The following MGAT4C variants were observed in gnomAD, a reference collection of about 807,000 sequenced individuals.
MGAT4C encodes alpha-1,3-mannosyl-glycoprotein 4-beta-N-acetylglucosaminyltransferase C.
Under a neutral mutation model 40.1 loss-of-function variants are expected in MGAT4C, and 19 were observed. That is an observed-to-expected ratio of 0.47 (90% CI 0.33 to 0.70). The LOEUF is 0.70. Ranked by LOEUF, MGAT4C falls within the 30% of genes least tolerant of loss-of-function variation. The probability of loss-of-function intolerance (pLI) is 0.02; values close to 1 mark genes in which losing one functional copy is unlikely to be tolerated. For missense variants in MGAT4C, 491 were observed against 563.2 expected (o/e 0.87, Z 1.30); for synonymous variants, 181 against 187.1 (o/e 0.97, Z 0.27).
At chr12:86,682,496 T>G (rs1201720940) in intron 2 of MGAT4C, among the ~76,000 whole-genome samples, 2 of 152,072 alleles carry the variant, frequency 1.3e-5, no homozygotes, top group African/African-American at 4.8e-5. Context: ...ATCCTTTGCA[T>G]TGGTAGGTGG....
intron 3 of MGAT4C, among the ~76,000 whole-genome samples, chr12:86,352,333 G>A (rs1161575077): frequency 6.6e-6 from 1 of 151,878 alleles, no homozygotes; most frequent in Non-Finnish European, 1.5e-5. Flanking sequence ...AAAAAAATTA[G>A]TTCAATTATT....
chr12:86,450,012 T>C (rs1444520342), intron 2 of MGAT4C, among the ~76,000 whole-genome samples: 3 of 152,174 alleles, frequency 2.0e-5, no homozygotes, highest in Non-Finnish European at 1.5e-5. Flanking sequence ...AATAGTCAAT[T>C]ATATGTCATG....
chr12:86,730,300 T>G (rs1950887456), intron 1 of MGAT4C, among the ~76,000 whole-genome samples: 2 of 152,048 alleles, frequency 1.3e-5, no homozygotes, highest in South Asian at 4.1e-4. Context: ...AAAAGGGAAT[T>G]TATTAAATTA....
intron 1 of MGAT4C, among the ~76,000 whole-genome samples, chr12:86,823,045 G>A (rs1952733513): frequency 6.7e-6 from 1 of 150,302 alleles, no homozygotes; most frequent in South Asian, 2.1e-4. Flanking sequence ...CAACCACTGG[G>A]TAAGAGAAAA....
intron 3 of MGAT4C, among the ~76,000 whole-genome samples, chr12:86,411,473 G>A (rs556890407): frequency 6.6e-6 from 1 of 152,296 alleles, no homozygotes; most frequent in East Asian, 1.9e-4. Context: ...CTAGGGGTTT[G>A]TGGAACTTTG....
rs200363891 is a variant in MGAT4C at position 86,231,615 on chromosome 12, TGA to T, written c.-57+24622_-57+24623del. ...CAGAACCTATGTATTTGAATTCCTCTGAACATATAAGTGATATACAGGGTATT... is the reference window on the plus strand; with the variant it reads ...CAGAACCTATGTATTTGAATTCCTCTACATATAAGTGATATACAGGGTATT... On this transcript the variant is annotated intron_variant, in intron 1 of 4. Coordinates refer to ENST00000611864, the MANE Select transcript of MGAT4C (RefSeq NM_001351288.2). 2.0e-5 allele frequency among the ~76,000 whole-genome samples: 3 copies of T among 152,330 alleles called. No homozygotes were observed. The East Asian group carries it at 5.8e-4, about 29-fold the overall frequency.
At chr12:86,756,420 T>A (rs1408352422) in intron 1 of MGAT4C, among the ~76,000 whole-genome samples, 1 of 72,736 alleles carries the variant, frequency 1.4e-5, no homozygotes, top group Non-Finnish European at 3.0e-5. Flanking sequence ...CAACATACGA[T>A]TTTTTTTTTT....
chr12:85,959,201 A>G lies in MGAT4C; in HGVS notation c.*20088T>C, dbSNP rs947340151. On this transcript the variant is annotated 3_prime_UTR_variant, in exon 5 of 5. Coordinates refer to ENST00000611864, the MANE Select transcript of MGAT4C (RefSeq NM_001351288.2). ...AATAATAATCACATGTTTTATACCC[A>G]TTGCTTTGAAGAAGAAACCTTAAGC... 1.6e-4 allele frequency: 25 copies of G among 152,078 alleles called. No individual in the cohort carries two copies. The highest frequency in any genetic ancestry group is 5.8e-4 in the African/African-American group (24 of 41,432). The allele number at this position is 152,078 out of a possible 1,614,324, so 9.4% of individuals were successfully genotyped here.
intron 1 of MGAT4C, among the ~76,000 whole-genome samples, chr12:86,811,973 T>G (rs956076140): frequency 3.3e-5 from 5 of 152,264 alleles, no homozygotes; most frequent in Non-Finnish European, 5.9e-5. Context: ...CTCTCAGCAT[T>G]GCTTTAGCTG....
intron 1 of MGAT4C, among the ~76,000 whole-genome samples, chr12:86,138,596 T>TATATATTTCCATAG (rs1307609909): frequency 5.6e-5 from 6 of 107,992 alleles, no homozygotes; most frequent in Non-Finnish European, 1.1e-4. Flanking sequence ...TATTTCCATA[T>TATATATTTCCATAG]ATATATTTCC....
At chr12:86,300,269 G>A (rs1298377774) in intron 4 of MGAT4C, among the ~76,000 whole-genome samples, 1 of 152,072 alleles carries the variant, frequency 6.6e-6, no homozygotes, top group Non-Finnish European at 1.5e-5. Flanking sequence ...TACCTATCAT[G>A]GAATACATAC....
intron 2 of MGAT4C, among the ~76,000 whole-genome samples, chr12:86,492,953 A>T (rs1033296583): frequency 7.8e-4 from 119 of 152,166 alleles, no homozygotes; most frequent in African/African-American, 2.7e-3. Flanking sequence ...TTTACAAGAA[A>T]AAAACAAACA....
chr12:86,371,975 C>T (rs1374507388), intron 3 of MGAT4C, among the ~76,000 whole-genome samples: 1 of 151,374 alleles, frequency 6.6e-6, no homozygotes, highest in Non-Finnish European at 1.5e-5. Context: ...CAACATTTGC[C>T]TTTGGGTACT....
chr12:86,367,980 C>T (rs1955639475), intron 3 of MGAT4C, among the ~76,000 whole-genome samples: 1 of 152,116 alleles, frequency 6.6e-6, no homozygotes, highest in Non-Finnish European at 1.5e-5. Flanking sequence ...ATTTCTTTCC[C>T]CTTTCTTTAA....
At chr12:86,426,763 C>T (rs189954765) in intron 3 of MGAT4C, among the ~76,000 whole-genome samples, 12 of 152,114 alleles carry the variant, frequency 7.9e-5, no homozygotes, top group Non-Finnish European at 1.3e-4. Flanking sequence ...CTGGCTAACA[C>T]GGTGAAACCC....
chr12:86,734,692 C>T (rs955213048), intron 1 of MGAT4C, among the ~76,000 whole-genome samples: 7 of 151,984 alleles, frequency 4.6e-5, no homozygotes, highest in East Asian at 1.9e-4. Flanking sequence ...GTGCCCTCAC[C>T]GCAAACCAGA....
intron 2 of MGAT4C, among the ~76,000 whole-genome samples, chr12:86,476,308 A>G (rs1474452577): frequency 1.3e-5 from 2 of 152,120 alleles, no homozygotes; most frequent in East Asian, 3.9e-4. Context: ...AAGAAGACAT[A>G]CAAGTGGCCA....
intron 1 of MGAT4C, among the ~76,000 whole-genome samples, chr12:86,158,578 G>A (rs1885241675): frequency 6.6e-6 from 1 of 152,018 alleles, no homozygotes; most frequent in African/African-American, 2.4e-5. Context: ...GATGCTGAAG[G>A]TCTATAATGC....
intron 2 of MGAT4C, among the ~76,000 whole-genome samples, chr12:86,668,275 A>G (rs1315355336): frequency 6.6e-6 from 1 of 152,124 alleles, no homozygotes; most frequent in East Asian, 1.9e-4. Flanking sequence ...ATCATGATGG[A>G]CACCCCAGAT....
Sources: gnomAD v4.1 joint callset for allele counts (sites outside exome capture counted in the v4.1 genomes callset) on GRCh38, gnomAD v4.1.1 for gene constraint, MANE v1.5 for transcripts, NCBI Gene and HGNC (gene_info 2026-07-23, HGNC 2026-07-21) for gene names.